The following CCDC7 variants were observed in gnomAD, a reference collection of about 807,000 sequenced individuals.
The protein encoded by CCDC7 is coiled-coil domain-containing protein 7.
A neutral mutation model predicts 196.9 loss-of-function variants in CCDC7; 183 were observed. The ratio of observed to expected loss-of-function variants is 0.93; its 90% CI spans 0.82 to 1.05. The LOEUF (loss-of-function observed/expected upper bound fraction) is 1.05, where lower values mean the gene tolerates loss of function less well. Among genes scored for constraint, CCDC7 ranks in the 50% least tolerant of loss-of-function variants. CCDC7 has a pLI of 0.00. For synonymous variants in CCDC7, 525 were observed against 484.6 expected, an observed-to-expected ratio of 1.08 and a Z score of -1.10; for missense variants, 1,540 against 1,482.2, an observed-to-expected ratio of 1.04 and a Z score of -0.64.
Position 32,659,958 on chromosome 10 carries a change from G to C in CCDC7, c.2015-4096G>C, listed in dbSNP as rs147448085. On this transcript the variant is annotated intron_variant, in intron 20 of 41. Transcript: ENST00000639629. ...AAAAACAGAAATAGCATTTAGCCCA[G>C]CAATCCCGTTACTGGGTATATACCC... Among the ~76,000 whole-genome samples the C allele has an allele frequency of 5.9e-3, 905 of 152,216 alleles. 9 individuals carry two copies. Among genetic ancestry groups the C allele is most frequent in the African/African-American group, 0.021 (863 of 41,556 alleles).
chr10:32,659,631 GCAA>G (rs1354503303), intron 20 of CCDC7, among the ~76,000 whole-genome samples: 1 of 152,038 alleles, frequency 6.6e-6, no homozygotes, highest in Non-Finnish European at 1.5e-5. Flanking sequence ...AAAATAAACA[GCAA>G]CAACAACAAA....
intron 18 of CCDC7, among the ~76,000 whole-genome samples, chr10:32,594,590 A>C (rs1351191374): frequency 6.6e-6 from 1 of 152,128 alleles, no homozygotes; most frequent in African/African-American, 2.4e-5. Flanking sequence ...AACTAAGTTG[A>C]ATAGGAGTGG....
chr10:32,654,610 A>G (rs1033569053), intron 20 of CCDC7, among the ~76,000 whole-genome samples: 4 of 152,088 alleles, frequency 2.6e-5, no homozygotes, highest in African/African-American at 9.7e-5. Flanking sequence ...ATTTCCTTAA[A>G]TGTATTGAAT....
chr10:32,869,324 A>C (rs540323974), intron 41 of CCDC7, among the ~76,000 whole-genome samples: 1 of 152,032 alleles, frequency 6.6e-6, no homozygotes, highest in African/African-American at 2.4e-5. Flanking sequence ...GGCCAGTGAT[A>C]ATGAGCATTT....
exon 32 of CCDC7, chr10:32,824,582 G>A: frequency 6.2e-7 from 1 of 1,611,300 alleles, no homozygotes; most frequent in Admixed American, 1.7e-5. Context: ...TTAAGACGCA[G>A]TTAAAGAGAA....
intron 9 of CCDC7, among the ~76,000 whole-genome samples, chr10:32,495,915 TC>T (rs1296728460): frequency 6.6e-6 from 1 of 152,202 alleles, no homozygotes; most frequent in Non-Finnish European, 1.5e-5. Context: ...TAGTTTTTTT[TC>T]TAATTCTGTG....
chr10:32,856,533 A>G (rs1445386954), intron 41 of CCDC7, among the ~76,000 whole-genome samples: 1 of 152,080 alleles, frequency 6.6e-6, no homozygotes, highest in Non-Finnish European at 1.5e-5. Context: ...CCTCCCTAGG[A>G]GTGAAGCCAA....
intron 28 of CCDC7, among the ~76,000 whole-genome samples, chr10:32,760,269 G>C (rs1348991747): frequency 6.6e-6 from 1 of 152,038 alleles, no homozygotes; most frequent in Non-Finnish European, 1.5e-5. Flanking sequence ...GATTATAAAT[G>C]ATACTGCTAT....
intron 29 of CCDC7, among the ~76,000 whole-genome samples, chr10:32,804,498 C>T (rs1289456684): frequency 6.6e-6 from 1 of 152,102 alleles, no homozygotes; most frequent in African/African-American, 2.4e-5. Flanking sequence ...CTAAAAATCA[C>T]ATTAAAATAT....
At position 32,477,751 on chromosome 10, in the gene CCDC7, A is replaced by C. The variant is rs1360805068; in HGVS notation, c.796+3728A>C. On this transcript the variant is annotated intron_variant, in intron 8 of 41. Transcript: ENST00000639629. ...ACATGTCTTGATTACTTTAGCTTTT[A>C]GTAAGTATTGAAGTTGGGTAGTGTC... is the stretch of plus-strand genomic sequence containing the variant. Among the ~76,000 whole-genome samples, 36 of 152,054 alleles carry C rather than the reference A, an allele frequency of 2.4e-4. 1 individual carries two copies. The highest frequency in any genetic ancestry group is 2.2e-4 in the Non-Finnish European group (15 of 68,002).
intron 13 of CCDC7, among the ~76,000 whole-genome samples, chr10:32,560,810 C>G (rs2055412120): frequency 6.6e-6 from 1 of 152,294 alleles, no homozygotes. Flanking sequence ...GGATCAAATT[C>G]ACACATAACA....
At chr10:32,599,054 A>T (rs887881135) in intron 18 of CCDC7, among the ~76,000 whole-genome samples, 1 of 152,044 alleles carries the variant, frequency 6.6e-6, no homozygotes, top group African/African-American at 2.4e-5. Context: ...TCTCCCTTCA[A>T]TTGTGTCAGT....
At chr10:32,865,510 G>A (rs760856878) in intron 41 of CCDC7, among the ~76,000 whole-genome samples, 44 of 151,748 alleles carry the variant, frequency 2.9e-4, no homozygotes, top group Non-Finnish European at 5.5e-4. Context: ...TGGTAAGGGT[G>A]TAAAATGGTA....
At position 32,544,966 on chromosome 10, in the gene CCDC7, T is replaced by C. The variant is rs547641251; in HGVS notation, c.1134+665T>C. On this transcript the variant is annotated intron_variant, in intron 13 of 41. Coordinates refer to ENST00000639629, the Ensembl canonical transcript of CCDC7. ...GATTTCAAATTCAAAGCAAATATGC[T>C]TAATATTTCAAAACAATTCTACATA... Among the ~76,000 whole-genome samples, 6 of 152,288 alleles carry C rather than the reference T, an allele frequency of 3.9e-5. No homozygotes were observed. The South Asian group carries it at 6.2e-4, about 16-fold the overall frequency.
intron 28 of CCDC7, among the ~76,000 whole-genome samples, chr10:32,759,623 C>A (rs2077089205): frequency 6.6e-6 from 1 of 152,138 alleles, no homozygotes; most frequent in Admixed American, 6.6e-5. Context: ...ACATGGTAGA[C>A]CTAATACCAT....
chr10:32,536,966 G>A (rs2050612701), intron 11 of CCDC7, among the ~76,000 whole-genome samples: 2 of 152,198 alleles, frequency 1.3e-5, no homozygotes, highest in African/African-American at 4.8e-5. Context: ...ACATATATGT[G>A]CATGTGTCTT....
At chr10:32,469,048 C>G (rs889019179) in intron 5 of CCDC7, among the ~76,000 whole-genome samples, 1 of 152,204 alleles carries the variant, frequency 6.6e-6, no homozygotes, top group African/African-American at 2.4e-5. Flanking sequence ...CTGAAGAAAC[C>G]GTTTAGCTGA....
At chr10:32,492,381 T>C (rs1200523750) in intron 9 of CCDC7, among the ~76,000 whole-genome samples, 1 of 152,154 alleles carries the variant, frequency 6.6e-6, no homozygotes, top group East Asian at 1.9e-4. Context: ...TGAAGGGATA[T>C]TTGTACATCC....
chr10:32,869,056 T>C (rs2094324252), intron 41 of CCDC7, among the ~76,000 whole-genome samples: 1 of 152,204 alleles, frequency 6.6e-6, no homozygotes, highest in Admixed American at 6.5e-5. Flanking sequence ...TATAGCAGCA[T>C]GATTTATAAT....
Sources: gnomAD v4.1 joint callset for allele counts (sites outside exome capture counted in the v4.1 genomes callset) on GRCh38, gnomAD v4.1.1 for gene constraint, MANE v1.5 for transcripts, NCBI Gene and HGNC (gene_info 2026-07-23, HGNC 2026-07-21) for gene names.